EDC3: variants seen among roughly 807,000 people sequenced by gnomAD.
EDC3 encodes enhancer of mRNA decapping 3, also known as enhancer of mRNA-decapping protein 3.
A neutral mutation model predicts 41.8 loss-of-function variants in EDC3; 20 were observed. The observed-to-expected ratio is 0.48, with a 90% CI of 0.34 to 0.70. The LOEUF (loss-of-function observed/expected upper bound fraction) is 0.70, where lower values mean the gene tolerates loss of function less well. EDC3 is among the 30% of genes least tolerant of loss of function. The pLI is 0.01. For synonymous variants in EDC3, 206 were observed against 243.2 expected (o/e 0.85, Z 1.42); for missense variants, 444 against 636.8 (o/e 0.70, Z 3.26).
chr15:74,653,300 T>C (rs2141610070), intron 4 of EDC3, among the ~76,000 whole-genome samples: 1 of 152,296 alleles, frequency 6.6e-6, no homozygotes, highest in South Asian at 2.1e-4. Flanking sequence ...GCTTTTAGAC[T>C]GTTTCCCTAT....
chr15:74,670,886 AG>A (rs1240098351), intron 3 of EDC3, among the ~76,000 whole-genome samples: 3 of 152,242 alleles, frequency 2.0e-5, no homozygotes, highest in Non-Finnish European at 4.4e-5. Flanking sequence ...CAAAGATCAC[AG>A]AGATGTTTGG....
At chr15:74,682,592 T>C (rs1044363430) in intron 1 of EDC3, among the ~76,000 whole-genome samples, 1 of 124,182 alleles carries the variant, frequency 8.1e-6, no homozygotes, top group African/African-American at 3.2e-5. Flanking sequence ...CACTCCAGCC[T>C]GGGCAACAGA....
At chr15:74,637,208 T>C (rs1395967776) in intron 5 of EDC3, 1 of 152,234 alleles carries the variant, frequency 6.6e-6, no homozygotes, top group Non-Finnish European at 1.5e-5. Context: ...GTCTGATTTC[T>C]CAACATCAGC....
intron 1 of EDC3, among the ~76,000 whole-genome samples, chr15:74,687,553 T>G (rs915358938): frequency 6.6e-6 from 1 of 152,130 alleles, no homozygotes; most frequent in Non-Finnish European, 1.5e-5. Flanking sequence ...AATTTTTGTA[T>G]TTTTAGTAGA....
intron 1 of EDC3, among the ~76,000 whole-genome samples, chr15:74,677,790 C>G (rs1434233524): frequency 6.6e-6 from 1 of 152,120 alleles, no homozygotes; most frequent in Non-Finnish European, 1.5e-5. Flanking sequence ...TAAATCTGCA[C>G]GTGGATGTTT....
rs1396419831 is a variant in EDC3 at position 74,632,536 on chromosome 15, T to C, written c.*76A>G. Reference sequence around the variant, plus strand: ...AGAGAAAAAACTTTAACAAGGTCCATGAAGCTTCATATCCTTAAGGCGTTT... The same window carrying C: ...AGAGAAAAAACTTTAACAAGGTCCACGAAGCTTCATATCCTTAAGGCGTTT... On this transcript the variant is annotated 3_prime_UTR_variant, in exon 7 of 7. Transcript: ENST00000315127. This position sits in a 1 kb window ranked among gnomAD's most constrained non-coding sequence, Gnocchi z 4.0. The C allele has an allele frequency of 1.7e-5, 26 of 1,511,672 alleles. No individual in the cohort carries two copies. The highest frequency in any genetic ancestry group is 2.2e-5 in the Non-Finnish European group (24 of 1,113,424). The allele number at this position is 1,511,672 out of a possible 1,614,324, so 93.6% of individuals were successfully genotyped here.
chr15:74,672,324 T>G (rs919813713), intron 2 of EDC3, among the ~76,000 whole-genome samples: 5 of 151,020 alleles, frequency 3.3e-5, no homozygotes, highest in African/African-American at 1.2e-4. Flanking sequence ...TGTATTAATC[T>G]TACATTCCCA....
chr15:74,689,195 A>T (rs1044297263), intron 1 of EDC3, among the ~76,000 whole-genome samples: 1 of 152,214 alleles, frequency 6.6e-6, no homozygotes, highest in African/African-American at 2.4e-5. Flanking sequence ...ACCACTGAAC[A>T]GTTTTCCAAA....
intron 6 of EDC3, 82 bp from the exon 7 acceptor site, chr15:74,633,028 A>G: frequency 1.4e-6 from 2 of 1,422,128 alleles, no homozygotes; most frequent in Admixed American, 4.2e-5. Flanking sequence ...GGTCACCCCA[A>G]GGGTGTCTTT....
At chr15:74,692,115 G>A (rs1029875183) in intron 1 of EDC3, among the ~76,000 whole-genome samples, 3 of 152,052 alleles carry the variant, frequency 2.0e-5, no homozygotes, top group Non-Finnish European at 4.4e-5. Context: ...CACCGCACCC[G>A]GCCACATATT....
At chr15:74,663,471 A>C (rs1002604043) in intron 3 of EDC3, among the ~76,000 whole-genome samples, 2 of 151,960 alleles carry the variant, frequency 1.3e-5, no homozygotes, top group African/African-American at 2.4e-5. Context: ...AAAATCCAAA[A>C]ATTTCTGAGC....
intron 1 of EDC3, among the ~76,000 whole-genome samples, chr15:74,692,436 A>T (rs1385056502): frequency 3.9e-5 from 6 of 152,232 alleles, no homozygotes; most frequent in Non-Finnish European, 8.8e-5. Context: ...TGAAACACGT[A>T]AGAAATAATA....
chr15:74,681,346 T>A (rs1164199399), intron 1 of EDC3, among the ~76,000 whole-genome samples: 1 of 151,528 alleles, frequency 6.6e-6, no homozygotes, highest in Non-Finnish European at 1.5e-5. Flanking sequence ...AGAGACAGGG[T>A]TTCACCATCT....
chr15:74,632,494 GAAGA>G lies in EDC3; in HGVS notation c.*114_*117del. On this transcript the variant is annotated 3_prime_UTR_variant, in exon 7 of 7. Transcript: ENST00000315127. The surrounding 1 kb of genome is among the most constrained non-coding windows in gnomAD (Gnocchi z 4.0). ...TTTAAGTAAGTTCTGTTCTCTCACA[GAAGA>G]AACAAACCCAAAAGAGAAAAAACTT... 8.1e-7 allele frequency: 1 copy of G among 1,236,894 alleles called. No homozygotes were observed. Among genetic ancestry groups the G allele is most frequent in the Middle Eastern group, 2.9e-4 (1 of 3,506 alleles). The allele number at this position is 1,236,894 out of a possible 1,614,324, so 76.6% of individuals were successfully genotyped here.
At chr15:74,635,954 T>G in intron 5 of EDC3, 1 of 311,366 alleles carries the variant, frequency 3.2e-6, no homozygotes, top group Non-Finnish European at 6.1e-6. Flanking sequence ...TCTGCTCTTC[T>G]TCCCCAACGT....
chr15:74,670,474 G>T (rs1341235088), intron 3 of EDC3, among the ~76,000 whole-genome samples: 1 of 151,906 alleles, frequency 6.6e-6, no homozygotes, highest in Non-Finnish European at 1.5e-5. Context: ...TCGCTCTATC[G>T]CCCAGGCTGG....
chr15:74,689,713 ATGGGGTTTCACCG>A (rs1214164272), intron 1 of EDC3, among the ~76,000 whole-genome samples: 1 of 151,642 alleles, frequency 6.6e-6, no homozygotes, highest in Non-Finnish European at 1.5e-5. Flanking sequence ...TTTAGTGGAG[ATGGGGTTTCACCG>A]TGTTAGCCAG....
intron 1 of EDC3, chr15:74,692,816 T>A (rs2063022369): frequency 1.3e-5 from 2 of 152,240 alleles, no homozygotes; most frequent in African/African-American, 4.8e-5. Flanking sequence ...TAATTTTATA[T>A]TTATTTTTAA....
rs570278786 is a variant in EDC3, at chr15:74,658,170, A to C, written c.485-2102T>G. On this transcript the variant is annotated intron_variant, in intron 3 of 6. Transcript: ENST00000315127. ...GACTGGTATGCCAGACTGAACCTCTATCACAGTCTAAATAAATGGAATGTA... is the reference window on the plus strand; with the variant it reads ...GACTGGTATGCCAGACTGAACCTCTCTCACAGTCTAAATAAATGGAATGTA... Among the ~76,000 whole-genome samples the C allele has an allele frequency of 2.0e-5, 3 of 152,320 alleles. No individual in the cohort carries two copies. The East Asian group carries it at 5.8e-4, about 29-fold the overall frequency.
Sources: gnomAD v4.1 joint callset for allele counts (sites outside exome capture counted in the v4.1 genomes callset) on GRCh38, gnomAD v4.1.1 for gene constraint, Gnocchi (gnomAD v3.1) non-coding constraint, MANE v1.5 for transcripts, NCBI Gene and HGNC (gene_info 2026-07-23, HGNC 2026-07-21) for gene names.